The following SNRNP48 variants were observed in gnomAD, a reference collection of about 807,000 sequenced individuals.
SNRNP48 encodes the protein small nuclear ribonucleoprotein U11/U12 subunit 48, also known as U11/U12 small nuclear ribonucleoprotein 48 kDa protein.
A neutral mutation model predicts 47.0 loss-of-function variants in SNRNP48; 43 were observed. The observed-to-expected ratio is 0.92, with a 90% CI of 0.72 to 1.18. SNRNP48 has a LOEUF of 1.18. Among genes scored for constraint, SNRNP48 ranks in the 50% most tolerant of loss-of-function variants. The pLI, the probability that SNRNP48 is intolerant of heterozygous loss-of-function variation, is 0.00. For synonymous variants in SNRNP48, 138 were observed against 144.0 expected (o/e 0.96, Z 0.30); for missense variants, 396 against 422.2 (o/e 0.94, Z 0.54).
intron 6 of SNRNP48, 22 bp downstream of exon 6, chr6:7,602,766 T>C: frequency 6.6e-7 from 1 of 1,516,602 alleles, no homozygotes; most frequent in Non-Finnish European, 8.8e-7. Flanking sequence ...ATAATCTTTG[T>C]TGATAAGAAT....
At chr6:7,591,413 T>A (rs1399063747) in intron 1 of SNRNP48, among the ~76,000 whole-genome samples, 1 of 152,238 alleles carries the variant, frequency 6.6e-6, no homozygotes, top group Non-Finnish European at 1.5e-5. Flanking sequence ...ATCTTTACTA[T>A]TACTTCTGGG....
chr6:7,603,813 T>G lies in SNRNP48; in HGVS notation c.717+1069T>G, dbSNP rs147125208. Among the ~76,000 whole-genome samples the G allele has an allele frequency of 1.8e-4, 27 of 152,340 alleles. 1 individual carries two copies. The East Asian group carries it at 5.2e-3, about 29-fold the overall frequency. Reference sequence around the variant, plus strand: ...GTCCCTGTCATACTACCTTGGTGATTCTCATAGTCCCTAAGATACTTGGCT... The same window carrying G: ...GTCCCTGTCATACTACCTTGGTGATGCTCATAGTCCCTAAGATACTTGGCT... On this transcript the variant is annotated intron_variant, in intron 6 of 8. Transcript: ENST00000342415.
chr6:7,599,429 T>C (rs1172952809), intron 4 of SNRNP48, among the ~76,000 whole-genome samples: 4 of 152,336 alleles, frequency 2.6e-5, no homozygotes, highest in Non-Finnish European at 5.9e-5. Flanking sequence ...TTTTATGTTA[T>C]ATATATTTTG....
chr6:7,593,155 A>G (rs532538333), intron 1 of SNRNP48, among the ~76,000 whole-genome samples: 44 of 152,256 alleles, frequency 2.9e-4, no homozygotes, highest in African/African-American at 1.1e-3. Flanking sequence ...GTAAGCATAT[A>G]TTAAACAGCA....
chr6:7,598,233 A>G (rs13203929), intron 4 of SNRNP48, among the ~76,000 whole-genome samples: 8 of 150,964 alleles, frequency 5.3e-5, no homozygotes, highest in Admixed American at 1.3e-4. Context: ...GGTGGCTCCC[A>G]CTTGTAATCC....
intron 1 of SNRNP48, among the ~76,000 whole-genome samples, chr6:7,592,698 A>G (rs1759839379): frequency 6.6e-6 from 1 of 152,122 alleles, no homozygotes; most frequent in South Asian, 2.1e-4. Context: ...ACAGGATGGA[A>G]ACTGAAGGGG....
rs761727162 is a variant in SNRNP48, at chr6:7,593,698, G to A, written c.157-36G>A. 6 of 1,252,978 alleles carry A rather than the reference G, an allele frequency of 4.8e-6. No individual in the cohort carries two copies. In the Admixed American group the frequency reaches 1.1e-4, roughly 23 times the overall value. The allele number at this position is 1,252,978 out of a possible 1,614,324, so 77.6% of individuals were successfully genotyped here. A position where few individuals can be genotyped will look rare whatever the true frequency, so the allele number is the denominator to read the frequency against. The stretch of plus-strand genomic sequence containing the variant: ...TGGTAATTATTTATTTAAATATTAT[G>A]TACCTATTTTCTTTGTTTCTGTTTG... On this transcript the variant is annotated intron_variant, in intron 1 of 8. Coordinates refer to ENST00000342415, the MANE Select transcript of SNRNP48 (RefSeq NM_152551.4).
intron 5 of SNRNP48, among the ~76,000 whole-genome samples, chr6:7,601,914 C>T (rs1286409068): frequency 1.3e-5 from 2 of 151,996 alleles, no homozygotes; most frequent in Non-Finnish European, 2.9e-5. Flanking sequence ...AATGCAGTAG[C>T]GCGATCTCAG....
At chr6:7,607,718 G>A (rs1760157807) in intron 8 of SNRNP48, among the ~76,000 whole-genome samples, 1 of 152,190 alleles carries the variant, frequency 6.6e-6, no homozygotes, top group South Asian at 2.1e-4. Flanking sequence ...TGAGCTCCAT[G>A]AAGGCAAGGT....
chr6:7,599,906 A>C, intron 4 of SNRNP48: 1 of 1,004,656 alleles, frequency 1.0e-6, no homozygotes, highest in Non-Finnish European at 1.2e-6. Context: ...AAAAGGCTAA[A>C]ATAATTTAAG....
In SNRNP48 at chr6:7,594,084, A is replaced by T; in HGVS notation, c.271-15A>T. 2 of 1,385,208 alleles carry T rather than the reference A, an allele frequency of 1.4e-6. No individual in the cohort carries two copies. Among genetic ancestry groups the T allele is most frequent in the Non-Finnish European group, 2.0e-6 (2 of 1,020,768 alleles). The allele number at this position is 1,385,208 out of a possible 1,614,324, so 85.8% of individuals were successfully genotyped here. On this transcript the variant is annotated splice_polypyrimidine_tract_variant and intron_variant, in intron 2 of 8. Coordinates refer to ENST00000342415, the MANE Select transcript of SNRNP48 (RefSeq NM_152551.4). Reference sequence around the variant, plus strand: ...TTATCTGATACTTAAGAACAGTAAGATTCTTTTTTTTCAGGATGAAATGTA... The same window carrying T: ...TTATCTGATACTTAAGAACAGTAAGTTTCTTTTTTTTCAGGATGAAATGTA...
In SNRNP48 at chr6:7,590,383, T is replaced by C; in HGVS notation, c.126T>C (p.Ser42=). The C allele has an allele frequency of 7.4e-7, 1 of 1,347,778 alleles. No homozygotes were observed. The highest frequency in any genetic ancestry group is 9.6e-7 in the Non-Finnish European group (1 of 1,038,540). The allele number at this position is 1,347,778 out of a possible 1,614,324, so 83.5% of individuals were successfully genotyped here. Residue 42 remains serine (S), a synonymous_variant, in exon 1 of 9, where the codon AGT becomes AGC. Coordinates refer to ENST00000342415, the MANE Select transcript of SNRNP48 (RefSeq NM_152551.4). The stretch of plus-strand genomic sequence containing the variant: ...CGTCCCTGGGCTGGGACCTAGATAG[T>C]CTGGATCCCGGGGAAGAGGAGGCGG... ...VTASLGWDLD[S]LDPGEEEAAE... is the part of the protein sequence containing the mutation.
At chr6:7,595,420 AATG>A (rs1202907577) in intron 4 of SNRNP48, among the ~76,000 whole-genome samples, 39 of 152,172 alleles carry the variant, frequency 2.6e-4, no homozygotes, top group African/African-American at 7.7e-4. Flanking sequence ...GTCCCAACTT[AATG>A]ATGATTTAAT....
chr6:7,600,582 T>C (rs1187877474), intron 4 of SNRNP48: 1 of 152,226 alleles, frequency 6.6e-6, no homozygotes. Flanking sequence ...CAATGTTTAA[T>C]ACATCATATC....
rs181993324 is a variant in SNRNP48, at chr6:7,593,915, T to G, written c.270+68T>G. The G allele has an allele frequency of 3.9e-4, 495 of 1,269,536 alleles. 1 individual carries two copies. The African/African-American group carries it at 7.1e-3, about 18-fold the overall frequency. 78.6% of individuals were successfully genotyped at this position (1,269,536 alleles called of 1,614,324 possible). On this transcript the variant is annotated intron_variant, in intron 2 of 8. Transcript: ENST00000342415. ...ATTTTACACATTAATTCACAATTTT[T>G]GGAAGTTACAATGTGAGGTTCACTG...
At chr6:7,592,831 G>C (rs1161373730) in intron 1 of SNRNP48, among the ~76,000 whole-genome samples, 1 of 152,158 alleles carries the variant, frequency 6.6e-6, no homozygotes, top group Non-Finnish European at 1.5e-5. Flanking sequence ...GGAAGTGGCA[G>C]TGGGGATGGA....
In SNRNP48 at chr6:7,602,632, GA is replaced by G. The variant is rs35681346; in HGVS notation, c.610del (p.Ser204ValfsTer29). 1 of 1,588,570 alleles carries G rather than the reference GA, an allele frequency of 6.3e-7. No homozygotes were observed. Among genetic ancestry groups the G allele is most frequent in the Non-Finnish European group, 8.5e-7 (1 of 1,170,546 alleles). On this transcript the variant is annotated frameshift_variant, in exon 6 of 9. Transcript: ENST00000342415. LOFTEE classifies it high-confidence loss of function. Reference sequence around the variant, plus strand: ...TTTATTCTTTCATTAGACAATAGTCGAAAAAGTCCAAAATCCTACCTTGAAA... The same window carrying G: ...TTTATTCTTTCATTAGACAATAGTCGAAAAGTCCAAAATCCTACCTTGAAA... ...LAAKINQDNSRKSPKSYLEIL... is the reference protein window; with the variant it reads ...LAAKINQDNSXKSPKSYLEIL...
rs1204692103 is a variant in SNRNP48, at chr6:7,611,662, A to C, written c.*2789A>C. ...TGAAAATATCTTAAATGCATTGAGAATATTTTCTAATTACCTGTGTATGCT... is the reference window on the plus strand; with the variant it reads ...TGAAAATATCTTAAATGCATTGAGACTATTTTCTAATTACCTGTGTATGCT... On this transcript the variant is annotated 3_prime_UTR_variant, in exon 9 of 9. Coordinates refer to ENST00000342415, the MANE Select transcript of SNRNP48 (RefSeq NM_152551.4). The C allele has an allele frequency of 6.6e-6, 1 of 152,234 alleles. No individual in the cohort carries two copies. Among genetic ancestry groups the C allele is most frequent in the Non-Finnish European group, 1.5e-5 (1 of 68,034 alleles). The allele number at this position is 152,234 out of a possible 1,614,324, so 9.4% of individuals were successfully genotyped here.
chr6:7,594,144 C>A lies in SNRNP48; in HGVS notation c.316C>A (p.Pro106Thr). 7.2e-7 allele frequency: 1 copy of A among 1,389,150 alleles called. No homozygotes were observed. The highest frequency in any genetic ancestry group is 9.8e-7 in the Non-Finnish European group (1 of 1,022,640). The allele number at this position is 1,389,150 out of a possible 1,614,324, so 86.1% of individuals were successfully genotyped here. ...PEFFYENVKIPSITLNKDSQF... is the reference protein window; with the variant it reads ...PEFFYENVKITSITLNKDSQF... ...GTTTTTCTATGAAAATGTGAAGATA[C>A]CTTCGATTACTTTGAGTAAGTATTA... Residue 106 changes from proline to threonine, a missense_variant, in exon 3 of 9, where the codon CCT becomes ACT. Coordinates refer to ENST00000342415, the MANE Select transcript of SNRNP48 (RefSeq NM_152551.4).
Sources: allele counts gnomAD v4.1 joint callset (sites outside exome capture counted in the v4.1 genomes callset), GRCh38; gene constraint gnomAD v4.1.1; transcripts MANE v1.5; gene names NCBI Gene and HGNC (gene_info 2026-07-23, HGNC 2026-07-21).